ELL2: variants seen among roughly 807,000 people sequenced by gnomAD.
ELL2 encodes elongation factor for RNA polymerase II 2, also known as RNA polymerase II elongation factor ELL2.
Under a neutral mutation model 72.8 loss-of-function variants are expected in ELL2, and 21 were observed. That is an observed-to-expected ratio of 0.29 (90% CI 0.20 to 0.42). ELL2 has a LOEUF of 0.42. Ranked by LOEUF, ELL2 falls within the 10% of genes least tolerant of loss-of-function variation. The pLI is 1.00. For synonymous variants in ELL2, 266 were observed against 283.2 expected (o/e 0.94, Z 0.61); for missense variants, 568 against 772.8 (o/e 0.73, Z 3.14).
chr5:95,929,511 C>A, intron 2 of ELL2, among the ~76,000 whole-genome samples: 1 of 152,116 alleles, frequency 6.6e-6, no homozygotes, highest in East Asian at 1.9e-4. Context: ...CCCGCCTTGG[C>A]CTTCCAAAGT....
At position 95,938,043 on chromosome 5, in the gene ELL2, A is replaced by G. The variant is rs112215378; in HGVS notation, c.195+4959T>C. On this transcript the variant is annotated intron_variant, in intron 2 of 11. Coordinates refer to ENST00000237853, the MANE Select transcript of ELL2 (RefSeq NM_012081.6). ...GGCTGAAATTGCCTACTAACTTCAA[A>G]TACTGTATAATTTTGTTTTTCAAAC... 4.3e-3 allele frequency among the ~76,000 whole-genome samples: 657 copies of G among 152,300 alleles called. 8 individuals are homozygous for G. The highest frequency in any genetic ancestry group is 0.015 in the African/African-American group (633 of 41,564).
chr5:95,885,732 A>G lies in ELL2; in HGVS notation c.*3139T>C, dbSNP rs1205011238. On this transcript the variant is annotated 3_prime_UTR_variant, in exon 12 of 12. Transcript: ENST00000237853. ...ATAAGAGAAAAGAAAACTCCTATAA[A>G]GCTTATAAGATCAGAAAAAATTAAT... The G allele has an allele frequency of 6.6e-6, 1 of 152,238 alleles. No individual in the cohort carries two copies. The highest frequency in any genetic ancestry group is 2.4e-5 in the African/African-American group (1 of 41,462). 9.4% of individuals were successfully genotyped at this position (152,238 alleles called of 1,614,324 possible).
intron 4 of ELL2, among the ~76,000 whole-genome samples, chr5:95,908,449 T>C (rs1464802225): frequency 6.6e-6 from 1 of 152,250 alleles, no homozygotes; most frequent in African/African-American, 2.4e-5. Context: ...AAATGCCTAA[T>C]GTTTGCTGTT....
chr5:95,913,709 C>T, intron 4 of ELL2, 62 bp downstream of exon 4: 1 of 1,459,158 alleles, frequency 6.9e-7, no homozygotes. Flanking sequence ...CTGGTATTTA[C>T]CTATGGTGAT....
At chr5:95,896,255 T>G (rs1748872200) in intron 8 of ELL2, among the ~76,000 whole-genome samples, 1 of 151,398 alleles carries the variant, frequency 6.6e-6, no homozygotes, top group Non-Finnish European at 1.5e-5. Flanking sequence ...TCCTATAATC[T>G]CTAGCACTCA....
Position 95,898,674 on chromosome 5 carries a change from G to A in ELL2, c.1091C>T (p.Pro364Leu), listed in dbSNP as rs918359707. Residue 364 changes from proline to leucine, a missense_variant, in exon 8 of 12, where the codon CCG (proline) becomes CTG (leucine). Pro to Leu is a moderately conservative substitution (Grantham distance 98). Coordinates refer to ENST00000237853, the MANE Select transcript of ELL2 (RefSeq NM_012081.6). ...PTSEKSAAGL[P>L]LPPAAAAIPT... is the part of the protein sequence containing the mutation. ...GATGGCAGCAGCCGCAGGGGGCAGCGGGAGGCCTGCAGCAGATTTTTCACT... is the reference window on the plus strand; with the variant it reads ...GATGGCAGCAGCCGCAGGGGGCAGCAGGAGGCCTGCAGCAGATTTTTCACT... 8.1e-6 allele frequency: 13 copies of A among 1,612,892 alleles called. No homozygotes were observed. The highest frequency in any genetic ancestry group is 3.3e-5 in the South Asian group (3 of 90,888).
At chr5:95,928,976 G>A (rs944146932) in intron 2 of ELL2, among the ~76,000 whole-genome samples, 5 of 152,224 alleles carry the variant, frequency 3.3e-5, no homozygotes, top group Admixed American at 6.5e-5. Flanking sequence ...CAGCAATACC[G>A]TGCTTGCTGG....
chr5:95,925,111 G>T (rs991231385), intron 2 of ELL2, among the ~76,000 whole-genome samples: 2 of 152,120 alleles, frequency 1.3e-5, no homozygotes, highest in Non-Finnish European at 2.9e-5. Flanking sequence ...ACCAGCAAGG[G>T]TTTTCTTCAT....
chr5:95,918,718 G>A (rs1021912581), intron 3 of ELL2, among the ~76,000 whole-genome samples: 2 of 152,020 alleles, frequency 1.3e-5, no homozygotes, highest in African/African-American at 4.8e-5. Flanking sequence ...CTATATCCAG[G>A]GGCAGAACAA....
intron 2 of ELL2, 125 bp from the exon 3 acceptor site, chr5:95,919,670 T>C (rs1320376193): frequency 8.9e-7 from 1 of 1,120,868 alleles, no homozygotes; most frequent in African/African-American, 1.6e-5. Context: ...GATATATACA[T>C]CCTCGCAGCA....
At position 95,907,365 on chromosome 5, in the gene ELL2, A is replaced by T. The variant is rs1045243419; in HGVS notation, c.482-583T>A. ...ACAAAACTAACCAACCAACCAACCA[A>T]CCAGTCTCAGAGGGCACAAACAAAT... is the stretch of plus-strand genomic sequence containing the variant. On this transcript the variant is annotated intron_variant, in intron 4 of 11. Coordinates refer to ENST00000237853, the MANE Select transcript of ELL2 (RefSeq NM_012081.6). Among the ~76,000 whole-genome samples the T allele has an allele frequency of 2.0e-5, 3 of 150,256 alleles. No homozygotes were observed. The Admixed American group carries it at 2.0e-4, about 10-fold the overall frequency.
chr5:95,937,233 T>C (rs1330239836), intron 2 of ELL2, among the ~76,000 whole-genome samples: 2 of 152,152 alleles, frequency 1.3e-5, no homozygotes, highest in African/African-American at 4.8e-5. Flanking sequence ...AAGGGTATGA[T>C]CCGTGAGTAC....
chr5:95,909,885 G>T (rs1749516274), intron 4 of ELL2, among the ~76,000 whole-genome samples: 1 of 152,222 alleles, frequency 6.6e-6, no homozygotes, highest in Non-Finnish European at 1.5e-5. Context: ...CACAAAGACA[G>T]AAGGGACTGC....
rs1748459252 is a variant in ELL2 at position 95,886,203 on chromosome 5, G to C, written c.*2668C>G. On this transcript the variant is annotated 3_prime_UTR_variant, in exon 12 of 12. Coordinates refer to ENST00000237853, the MANE Select transcript of ELL2 (RefSeq NM_012081.6). ...CTATTCCTGTAGTAATCATTTGTAAGAATCTAAAAGTCTTGCAGTAGGGGA... is the reference window on the plus strand; with the variant it reads ...CTATTCCTGTAGTAATCATTTGTAACAATCTAAAAGTCTTGCAGTAGGGGA... 6.6e-6 allele frequency: 1 copy of C among 152,148 alleles called. No individual in the cohort carries two copies. Among genetic ancestry groups the C allele is most frequent in the African/African-American group, 2.4e-5 (1 of 41,438 alleles). The allele number at this position is 152,148 out of a possible 1,614,324, so 9.4% of individuals were successfully genotyped here. A position where few individuals can be genotyped will look rare whatever the true frequency, so the allele number is the denominator to read the frequency against.
At chr5:95,893,664 C>A (rs1483249003) in intron 9 of ELL2, among the ~76,000 whole-genome samples, 1 of 152,172 alleles carries the variant, frequency 6.6e-6, no homozygotes, top group Non-Finnish European at 1.5e-5. Context: ...GGATTACAGG[C>A]GTGAGCCACC....
Position 95,961,709 on chromosome 5 carries a change from C to A in ELL2, c.13G>T (p.Gly5Trp). The change falls in exon 1 of 12, where the codon GGG (glycine) becomes TGG (tryptophan). Residue 5 changes from glycine to tryptophan, a missense_variant. Transcript: ENST00000237853. ...TGCTCCTCCCGCAGGCCCCCTGTCC[C>A]CCCCGCCGCCATCTTAAACTCCCCG... Reference protein sequence around the residue: MAAGGTGGLREEQRY... With the variant: MAAGWTGGLREEQRY... 13 of 1,605,638 alleles carry A rather than the reference C, an allele frequency of 8.1e-6. No homozygotes were observed. Among genetic ancestry groups the A allele is most frequent in the Non-Finnish European group, 1.1e-5 (13 of 1,177,246 alleles).
At chr5:95,960,393 G>A (rs1452246216) in intron 1 of ELL2, among the ~76,000 whole-genome samples, 4 of 151,778 alleles carry the variant, frequency 2.6e-5, no homozygotes, top group South Asian at 2.1e-4. Context: ...CCTGGTTACC[G>A]CGTCCCTTCT....
chr5:95,905,968 C>T (rs1013552144), intron 5 of ELL2, among the ~76,000 whole-genome samples: 6 of 152,140 alleles, frequency 3.9e-5, no homozygotes, highest in African/African-American at 1.4e-4. Context: ...TACACGTAAG[C>T]TTGTGATAAA....
intron 2 of ELL2, 34 bp downstream of exon 2, chr5:95,942,968 T>C (rs1580530207): frequency 6.5e-7 from 1 of 1,528,278 alleles, no homozygotes; most frequent in Non-Finnish European, 8.8e-7. Flanking sequence ...GCAAGAACAT[T>C]AGATTTGTTT....
Sources: allele counts gnomAD v4.1 joint callset (sites outside exome capture counted in the v4.1 genomes callset), GRCh38; gene constraint gnomAD v4.1.1; transcripts MANE v1.5; gene names NCBI Gene and HGNC (gene_info 2026-07-23, HGNC 2026-07-21).